WWOX: variants seen among roughly 807,000 people sequenced by gnomAD.
WWOX encodes WW domain containing oxidoreductase, also known as WW domain-containing oxidoreductase.
In WWOX, 69 loss-of-function variants were observed where a neutral mutation model predicts 46.2. The observed-to-expected ratio is 1.49, with a 90% CI of 1.23 to 1.82. WWOX has a LOEUF of 1.82. WWOX is among the 40% of genes most tolerant of loss of function. The pLI is 0.00. For synonymous variants in WWOX, 359 were observed against 202.6 expected (o/e 1.77, Z -6.56); for missense variants, 919 against 542.6 (o/e 1.69, Z -6.89).
At chr16:78,912,675 CT>C (rs1406517345) in intron 8 of WWOX, among the ~76,000 whole-genome samples, 5 of 152,114 alleles carry the variant, frequency 3.3e-5, no homozygotes, top group Middle Eastern at 3.4e-3. Flanking sequence ...AAGTTCCCCT[CT>C]GTAAAAGGCA....
At chr16:78,900,613 A>T (rs530641070) in intron 8 of WWOX, among the ~76,000 whole-genome samples, 1 of 152,128 alleles carries the variant, frequency 6.6e-6, no homozygotes, top group Non-Finnish European at 1.5e-5. Flanking sequence ...TCATAATCAG[A>T]TAGATTTTCT....
At chr16:78,856,975 C>G (rs939732320) in intron 8 of WWOX, among the ~76,000 whole-genome samples, 2 of 152,136 alleles carry the variant, frequency 1.3e-5, no homozygotes, top group African/African-American at 4.8e-5. Context: ...ATGTTTCTGT[C>G]CTGAATACTG....
chr16:78,571,173 T>A (rs55813574), intron 8 of WWOX, among the ~76,000 whole-genome samples: 4,609 of 152,290 alleles, frequency 0.03, 101 homozygotes, highest in Non-Finnish European at 0.044. Context: ...AAAGGGGCAG[T>A]GATGATTCTA....
At chr16:78,207,053 G>C (rs934216346) in intron 5 of WWOX, among the ~76,000 whole-genome samples, 38 of 152,228 alleles carry the variant, frequency 2.5e-4, no homozygotes, top group African/African-American at 8.9e-4. Flanking sequence ...AATTTTCCCA[G>C]GGCCAGAGGG....
intron 5 of WWOX, among the ~76,000 whole-genome samples, chr16:78,169,540 G>A (rs1318579571): frequency 6.6e-6 from 1 of 151,948 alleles, no homozygotes; most frequent in Non-Finnish European, 1.5e-5. Flanking sequence ...TTCATGAACA[G>A]CTACAGCAAG....
intron 8 of WWOX, among the ~76,000 whole-genome samples, chr16:79,093,069 G>A (rs2048996926): frequency 6.6e-6 from 1 of 152,224 alleles, no homozygotes; most frequent in Non-Finnish European, 1.5e-5. Context: ...CAGCTGTAAA[G>A]AAAGATGCTG....
Position 78,645,657 on chromosome 16 carries a change from T to C in WWOX, c.1056+212905T>C, listed in dbSNP as rs554919369. ...AGAGACTTTAAAAGAACCAACTCTC[T>C]GGGAACAAATAGAGGGAGAACATTA... On this transcript the variant is annotated intron_variant, in intron 8 of 8. Coordinates refer to ENST00000566780, the MANE Select transcript of WWOX (RefSeq NM_016373.4). 9.2e-5 allele frequency among the ~76,000 whole-genome samples: 14 copies of C among 152,162 alleles called. No homozygotes were observed. In the East Asian group the frequency reaches 2.1e-3, roughly 23 times the overall value.
At chr16:78,914,155 C>A (rs989314044) in intron 8 of WWOX, among the ~76,000 whole-genome samples, 1 of 152,080 alleles carries the variant, frequency 6.6e-6, no homozygotes, top group Non-Finnish European at 1.5e-5. Context: ...TCACTACTCA[C>A]AATTTCTCTA....
intron 8 of WWOX, among the ~76,000 whole-genome samples, chr16:78,877,246 G>A (rs993499686): frequency 6.6e-6 from 1 of 152,022 alleles, no homozygotes; most frequent in Non-Finnish European, 1.5e-5. Context: ...CGTCACAGTA[G>A]GACACCAAAC....
chr16:79,205,404 G>A (rs1051894509), intron 8 of WWOX: 2 of 152,176 alleles, frequency 1.3e-5, no homozygotes, highest in Non-Finnish European at 2.9e-5. Context: ...TGCTAGCAAA[G>A]AAATATTTTT....
intron 8 of WWOX, chr16:78,896,642 A>G (rs966197356): frequency 6.6e-6 from 1 of 152,176 alleles, no homozygotes; most frequent in African/African-American, 2.4e-5. Context: ...AAACATTTTC[A>G]TAAATAATCT....
chr16:78,787,900 T>C (rs924806944), intron 8 of WWOX, among the ~76,000 whole-genome samples: 2 of 152,348 alleles, frequency 1.3e-5, no homozygotes, highest in Admixed American at 6.5e-5. Flanking sequence ...TGATTAATGA[T>C]GTTGAGTATT....
At chr16:78,519,776 C>T (rs1597204211) in intron 8 of WWOX, among the ~76,000 whole-genome samples, 2 of 152,094 alleles carry the variant, frequency 1.3e-5, no homozygotes, top group Admixed American at 6.6e-5. Context: ...CATCTATGAG[C>T]CAGAGTGGAC....
chr16:79,204,894 A>C (rs1469337387), intron 8 of WWOX: 1 of 152,240 alleles, frequency 6.6e-6, no homozygotes, highest in Admixed American at 6.5e-5. Context: ...TAAGAGCCAC[A>C]TTCTTGCTGG....
intron 8 of WWOX, among the ~76,000 whole-genome samples, chr16:78,904,150 C>T (rs970355440): frequency 1.3e-5 from 2 of 151,748 alleles, no homozygotes; most frequent in African/African-American, 4.8e-5. Context: ...GATGTAAAGT[C>T]CAACTGTTAG....
At chr16:78,199,157 C>A (rs941675401) in intron 5 of WWOX, among the ~76,000 whole-genome samples, 13 of 151,988 alleles carry the variant, frequency 8.6e-5, no homozygotes, top group African/African-American at 2.9e-4. Context: ...ACTAAAAATA[C>A]AAAAAATTAG....
In WWOX at chr16:79,056,445, G is replaced by A. The variant is rs906393520; in HGVS notation, c.1057-155163G>A. Among the ~76,000 whole-genome samples, 11 of 152,218 alleles carry A rather than the reference G, an allele frequency of 7.2e-5. No homozygotes were observed. In the South Asian group the frequency reaches 1.0e-3, roughly 14 times the overall value. ...TCCTGTGGTTTAAGGATAGGTAAAT[G>A]TATCTGGGGCAGAGGGTTGCCTGGG... is the stretch of plus-strand genomic sequence containing the variant. On this transcript the variant is annotated intron_variant, in intron 8 of 8. Coordinates refer to ENST00000566780, the MANE Select transcript of WWOX (RefSeq NM_016373.4).
chr16:78,790,315 A>C (rs142381547), intron 8 of WWOX, among the ~76,000 whole-genome samples: 1 of 151,820 alleles, frequency 6.6e-6, no homozygotes, highest in African/African-American at 2.4e-5. Flanking sequence ...CTGTATTTTC[A>C]GTAGAGATGG....
intron 8 of WWOX, among the ~76,000 whole-genome samples, chr16:78,601,527 G>T (rs181023175): frequency 6.6e-6 from 1 of 152,046 alleles, no homozygotes; most frequent in East Asian, 1.9e-4. Flanking sequence ...ATACCCCACC[G>T]CCATTTTCCA....
Sources: allele counts gnomAD v4.1 joint callset (sites outside exome capture counted in the v4.1 genomes callset), GRCh38; gene constraint gnomAD v4.1.1; transcripts MANE v1.5; gene names NCBI Gene and HGNC (gene_info 2026-07-23, HGNC 2026-07-21).